Variants in NCBP3 observed in about 807,000 individuals in gnomAD.
NCBP3 encodes nuclear cap-binding protein subunit 3.
Under a neutral mutation model 75.7 loss-of-function variants are expected in NCBP3, and 20 were observed. The ratio of observed to expected loss-of-function variants is 0.26; its 90% confidence interval spans 0.19 to 0.38. NCBP3 has a LOEUF of 0.38. Among genes scored for constraint, NCBP3 ranks in the 10% least tolerant of loss-of-function variants. The probability of loss-of-function intolerance (pLI) is 1.00; values close to 1 mark genes in which losing one functional copy is unlikely to be tolerated. For missense variants in NCBP3, 678 were observed against 796.9 expected (o/e 0.85, Z 1.80); for synonymous variants, 293 against 290.5 (o/e 1.01, Z -0.09).
At chr17:3,841,027 G>A (rs746279659) in intron 2 of NCBP3, among the ~76,000 whole-genome samples, 1 of 151,960 alleles carries the variant, frequency 6.6e-6, no homozygotes, top group Non-Finnish European at 1.5e-5. Flanking sequence ...TCACTCTGTC[G>A]CCAGGCTGCC....
At chr17:3,844,186 A>T (rs1274096331) in intron 1 of NCBP3, among the ~76,000 whole-genome samples, 1 of 152,220 alleles carries the variant, frequency 6.6e-6, no homozygotes, top group Non-Finnish European at 1.5e-5. Context: ...CAAATACAGC[A>T]CAGTGCAATG....
Position 3,818,478 on chromosome 17 carries a change from T to C in NCBP3, c.1095A>G (p.Ala365=). The change falls in exon 10 of 13, where the codon GCA becomes GCG. Residue 365 remains alanine (A), a synonymous_variant. Transcript: ENST00000389005. This position sits in a 1 kb window ranked among gnomAD's most constrained non-coding sequence, Gnocchi z 4.7. The stretch of plus-strand genomic sequence containing the variant: ...GGTACTCTACCACCACTCTGTCATC[T>C]GCATCCATGTCCTGGTCTTCTTCTT... ...EEEEEDQDMD[A]DDRVVVEYHE... 6.2e-7 allele frequency: 1 copy of C among 1,614,046 alleles called. No homozygotes were observed. Among genetic ancestry groups the C allele is most frequent in the Non-Finnish European group, 8.5e-7 (1 of 1,180,040 alleles).
chr17:3,832,709 G>A (rs1355823699), intron 3 of NCBP3, among the ~76,000 whole-genome samples: 1 of 151,926 alleles, frequency 6.6e-6, no homozygotes, highest in Non-Finnish European at 1.5e-5. Flanking sequence ...GTTTTTACAT[G>A]CTATTAACAA....
chr17:3,835,922 G>C (rs1167915673), intron 3 of NCBP3, among the ~76,000 whole-genome samples: 1 of 152,212 alleles, frequency 6.6e-6, no homozygotes, highest in African/African-American at 2.4e-5. Context: ...AGTCAGATCA[G>C]TCTTTGAACC....
In NCBP3 at chr17:3,803,912, A is replaced by G. The variant is rs1268944485; in HGVS notation, c.*9132T>C. On this transcript the variant is annotated 3_prime_UTR_variant, in exon 13 of 13. Coordinates refer to ENST00000389005, the MANE Select transcript of NCBP3 (RefSeq NM_001114118.3). ...AACACGGTGAAACCCGGTCTCTACT[A>G]AAAATACAAAAAAAATTAGCCAGGC... 2.6e-5 allele frequency: 4 copies of G among 151,946 alleles called. No homozygotes were observed. The highest frequency in any genetic ancestry group is 1.3e-4 in the Admixed American group (2 of 15,250). 9.4% of individuals were successfully genotyped at this position (151,946 alleles called of 1,614,324 possible).
intron 7 of NCBP3, among the ~76,000 whole-genome samples, chr17:3,823,223 A>T (rs966332206): frequency 6.6e-5 from 10 of 152,154 alleles, no homozygotes; most frequent in Non-Finnish European, 1.3e-4. Context: ...AGACAGGAGA[A>T]TTGCTTGAAC....
intron 1 of NCBP3, among the ~76,000 whole-genome samples, chr17:3,845,710 C>T (rs1052138433): frequency 2.6e-5 from 4 of 152,158 alleles, no homozygotes; most frequent in African/African-American, 9.7e-5. Context: ...CCAGGGCTCC[C>T]CCTTTATCTC....
intron 9 of NCBP3, among the ~76,000 whole-genome samples, chr17:3,819,062 G>A (rs1160898492): frequency 6.6e-6 from 1 of 152,084 alleles, no homozygotes; most frequent in Non-Finnish European, 1.5e-5. Flanking sequence ...TTCTGTGCCT[G>A]CTGCTAGTGA....
intron 7 of NCBP3, chr17:3,823,039 C>T (rs1038006674): frequency 6.6e-6 from 1 of 152,218 alleles, no homozygotes; most frequent in Non-Finnish European, 1.5e-5. Flanking sequence ...TTAGGCTGGG[C>T]GCGATGGCTC....
In NCBP3 at chr17:3,826,082, G is replaced by A; in HGVS notation, c.610+5C>T. ...AGACCCCAGTTCCCTCCTTTGTGTTGTTACCTTTTTTCCTTTTCTCAGCTG... is the reference window on the plus strand; with the variant it reads ...AGACCCCAGTTCCCTCCTTTGTGTTATTACCTTTTTTCCTTTTCTCAGCTG... On this transcript the variant is annotated splice_donor_5th_base_variant and intron_variant, in intron 5 of 12. Coordinates refer to ENST00000389005, the MANE Select transcript of NCBP3 (RefSeq NM_001114118.3). 5.8e-6 allele frequency: 9 copies of A among 1,550,648 alleles called. No individual in the cohort carries two copies. The highest frequency in any genetic ancestry group is 7.8e-6 in the Non-Finnish European group (9 of 1,146,534).
rs2053407330 is a variant in NCBP3, at chr17:3,811,238, G to A, written c.*1806C>T. 1.3e-5 allele frequency: 2 copies of A among 152,234 alleles called. No individual in the cohort carries two copies. The highest frequency in any genetic ancestry group is 2.1e-4 in the South Asian group (1 of 4,824). The allele number at this position is 152,234 out of a possible 1,614,324, so 9.4% of individuals were successfully genotyped here. On this transcript the variant is annotated 3_prime_UTR_variant, in exon 13 of 13. Transcript: ENST00000389005. ...GCCCAGGTCCATGGAGCAGAGCCAG[G>A]GGTTGGCATCCAGGTGTCCGATTCT...
chr17:3,835,162 G>A (rs2053952107), intron 3 of NCBP3, among the ~76,000 whole-genome samples: 1 of 152,150 alleles, frequency 6.6e-6, no homozygotes, highest in Non-Finnish European at 1.5e-5. Flanking sequence ...TGAAAGCAGA[G>A]GTTTGAAATC....
intron 7 of NCBP3, 64 bp from the exon 8 acceptor site, chr17:3,822,116 T>C: frequency 8.9e-7 from 1 of 1,118,846 alleles, no homozygotes; most frequent in East Asian, 2.4e-5. Flanking sequence ...GTTGAATTTT[T>C]TTTTTAATGT....
intron 4 of NCBP3, among the ~76,000 whole-genome samples, chr17:3,828,761 T>C (rs1299121942): frequency 6.6e-6 from 1 of 152,070 alleles, no homozygotes; most frequent in African/African-American, 2.4e-5. Context: ...AGTGTTTAGC[T>C]CTAGGTCATT....
In NCBP3 at chr17:3,809,842, A is replaced by C. The variant is rs970799109; in HGVS notation, c.*3202T>G. ...GACTATTATTTGGCAATTTTAAAAA[A>C]TGAAATACTGATAGAAGCTATGACA... On this transcript the variant is annotated 3_prime_UTR_variant, in exon 13 of 13. Coordinates refer to ENST00000389005, the MANE Select transcript of NCBP3 (RefSeq NM_001114118.3). The C allele has an allele frequency of 6.6e-6, 1 of 152,272 alleles. No homozygotes were observed. The highest frequency in any genetic ancestry group is 1.5e-5 in the Non-Finnish European group (1 of 68,046). The allele number at this position is 152,272 out of a possible 1,614,324, so 9.4% of individuals were successfully genotyped here. A position where few individuals can be genotyped will look rare whatever the true frequency, so the allele number is the denominator to read the frequency against.
Position 3,839,996 on chromosome 17 carries a change from A to G in NCBP3, c.355+104T>C, listed in dbSNP as rs918619318. On this transcript the variant is annotated intron_variant, in intron 3 of 12. Coordinates refer to ENST00000389005, the MANE Select transcript of NCBP3 (RefSeq NM_001114118.3). The stretch of plus-strand genomic sequence containing the variant: ...GGTCCCTTCTCACAAGAGTGCTTGG[A>G]TAAGGAGTGGACACGCAAGGCAAGG... 1.2e-5 allele frequency: 10 copies of G among 810,374 alleles called. No homozygotes were observed. In the African/African-American group the frequency reaches 1.6e-4, roughly 13 times the overall value. 50.2% of individuals were successfully genotyped at this position (810,374 alleles called of 1,614,324 possible). A position where few individuals can be genotyped will look rare whatever the true frequency, so the allele number is the denominator to read the frequency against.
chr17:3,812,877 A>G lies in NCBP3; in HGVS notation c.*167T>C, dbSNP rs935173717. On this transcript the variant is annotated 3_prime_UTR_variant, in exon 13 of 13. Coordinates refer to ENST00000389005, the MANE Select transcript of NCBP3 (RefSeq NM_001114118.3). The stretch of plus-strand genomic sequence containing the variant: ...CAGCGAAAGATAGAGATGCCCTTGA[A>G]AATGTGTCACATTCTTAAGATGTCT... 7.0e-7 allele frequency: 1 copy of G among 1,438,196 alleles called. No individual in the cohort carries two copies. The highest frequency in any genetic ancestry group is 9.1e-7 in the Non-Finnish European group (1 of 1,099,814). 89.1% of individuals were successfully genotyped at this position (1,438,196 alleles called of 1,614,324 possible). A position where few individuals can be genotyped will look rare whatever the true frequency, so the allele number is the denominator to read the frequency against.
rs908340794 is a variant in NCBP3, at chr17:3,811,050, G to A, written c.*1994C>T. ...AAGCCCCTGTCTACACCTCATGCGC[G>A]CCCTCAGTTGTCTCCCTGGCGCCTC... On this transcript the variant is annotated 3_prime_UTR_variant, in exon 13 of 13. Transcript: ENST00000389005. 3 of 152,306 alleles carry A rather than the reference G, an allele frequency of 2.0e-5. No homozygotes were observed. The highest frequency in any genetic ancestry group is 2.9e-5 in the Non-Finnish European group (2 of 68,116). The allele number at this position is 152,306 out of a possible 1,614,324, so 9.4% of individuals were successfully genotyped here.
intron 12 of NCBP3, 80 bp downstream of exon 12, chr17:3,814,242 A>G: frequency 3.4e-6 from 5 of 1,456,044 alleles, no homozygotes; most frequent in Middle Eastern, 1.8e-4. Context: ...GCCTTCTGCT[A>G]AGAAAGTATT....
Sources: allele counts gnomAD v4.1 joint callset (sites outside exome capture counted in the v4.1 genomes callset), GRCh38; gene constraint gnomAD v4.1.1; non-coding constraint Gnocchi (gnomAD v3.1); transcripts MANE v1.5; gene names NCBI Gene and HGNC (gene_info 2026-07-23, HGNC 2026-07-21).